The following AAK1 variants were observed in gnomAD, a reference collection of about 807,000 sequenced individuals.
The protein encoded by AAK1 is AP2 associated kinase 1.
AAK1 carries 37 observed loss-of-function variants against 116.0 expected under a neutral mutation model. That is an observed-to-expected ratio of 0.32 (90% CI 0.25 to 0.42). The LOEUF (loss-of-function observed/expected upper bound fraction) is 0.42, where lower values mean the gene tolerates loss of function less well. AAK1 is among the 10% of genes least tolerant of loss of function. The probability of loss-of-function intolerance (pLI) is 1.00; values close to 1 mark genes in which losing one functional copy is unlikely to be tolerated. For missense variants in AAK1, 919 were observed against 1,170.6 expected, an observed-to-expected ratio of 0.79 and a Z score of 3.14; for synonymous variants, 458 against 439.9, an observed-to-expected ratio of 1.04 and a Z score of -0.51.
At chr2:69,628,556 G>C (rs1675016877) in intron 2 of AAK1, among the ~76,000 whole-genome samples, 1 of 152,120 alleles carries the variant, frequency 6.6e-6, no homozygotes, top group African/African-American at 2.4e-5. Context: ...TGTTCTGTGA[G>C]CTAACCCTAG....
chr2:69,530,508 A>G, intron 7 of AAK1, 117 bp downstream of exon 7: 1 of 775,150 alleles, frequency 1.3e-6, no homozygotes, highest in African/African-American at 1.8e-5. Flanking sequence ...TTGAGGGGTA[A>G]GTAGACCATG....
chr2:69,469,751 G>T lies in AAK1; in HGVS notation c.*6118C>A. ...ACTGGATCATGCCTCTTTTTATTTT[G>T]GTTTCACACATAAAATTAAGCAAGA... On this transcript the variant is annotated 3_prime_UTR_variant, in exon 22 of 22. Coordinates refer to ENST00000409085, the MANE Select transcript of AAK1 (RefSeq NM_014911.5). 1.0e-6 allele frequency: 1 copy of T among 985,280 alleles called. No individual in the cohort carries two copies. Among genetic ancestry groups the T allele is most frequent in the Non-Finnish European group, 1.2e-6 (1 of 829,910 alleles). The allele number at this position is 985,280 out of a possible 1,614,324, so 61.0% of individuals were successfully genotyped here.
chr2:69,469,392 C>CT lies in AAK1; in HGVS notation c.*6476dup, dbSNP rs1397410513. On this transcript the variant is annotated 3_prime_UTR_variant, in exon 22 of 22. Coordinates refer to ENST00000409085, the MANE Select transcript of AAK1 (RefSeq NM_014911.5). The stretch of plus-strand genomic sequence containing the variant: ...TTAAATCTTGTTGGCAGATAAAAGT[C>CT]TTTTTTTGAGTATGTGAATGTGTTC... 3.0e-6 allele frequency: 3 copies of CT among 985,374 alleles called. No homozygotes were observed. Among genetic ancestry groups the CT allele is most frequent in the African/African-American group, 3.5e-5 (2 of 57,320 alleles). The allele number at this position is 985,374 out of a possible 1,614,324, so 61.0% of individuals were successfully genotyped here. A position where few individuals can be genotyped will look rare whatever the true frequency, so the allele number is the denominator to read the frequency against.
At chr2:69,634,769 A>C (rs567956375) in intron 2 of AAK1, among the ~76,000 whole-genome samples, 1 of 152,244 alleles carries the variant, frequency 6.6e-6, no homozygotes, top group Middle Eastern at 3.2e-3. Context: ...CCTCACCTTC[A>C]TGGAACCTTG....
rs569165089 is a variant in AAK1 at position 69,588,791 on chromosome 2, C to T, written c.164-31813G>A. Among the ~76,000 whole-genome samples the T allele has an allele frequency of 5.9e-5, 9 of 152,058 alleles. No homozygotes were observed. In the South Asian group the frequency reaches 1.7e-3, roughly 28 times the overall value. ...TGCATTATTTATTTTTATCCAATGG[C>T]ACATGTGATCTGTGGATCAAGGTTT... is the stretch of plus-strand genomic sequence containing the variant. On this transcript the variant is annotated intron_variant, in intron 2 of 21. Transcript: ENST00000409085.
At chr2:69,531,744 C>T (rs1670265494) in intron 6 of AAK1, 2 of 1,119,732 alleles carry the variant, frequency 1.8e-6, no homozygotes, top group African/African-American at 1.6e-5. Flanking sequence ...GTGTGTGCAC[C>T]TCTCAGCTTT....
intron 17 of AAK1, among the ~76,000 whole-genome samples, chr2:69,487,470 G>A (rs777717803): frequency 1.3e-5 from 2 of 152,116 alleles, no homozygotes; most frequent in African/African-American, 2.4e-5. Context: ...CATCAATCAC[G>A]CTTCACATCA....
Position 69,466,766 on chromosome 2 carries a change from G to A in AAK1, c.*9103C>T, listed in dbSNP as rs760514687. The A allele has an allele frequency of 2.1e-5, 21 of 985,232 alleles. No homozygotes were observed. The highest frequency in any genetic ancestry group is 1.2e-4 in the Admixed American group (2 of 16,252). 61.0% of individuals were successfully genotyped at this position (985,232 alleles called of 1,614,324 possible). Reference sequence around the variant, plus strand: ...TCACGTTTTGGAACATGATAGGCACGACGTACAGGAAAGGAGATGAAGATG... The same window carrying A: ...TCACGTTTTGGAACATGATAGGCACAACGTACAGGAAAGGAGATGAAGATG... On this transcript the variant is annotated 3_prime_UTR_variant, in exon 22 of 22. Coordinates refer to ENST00000409085, the MANE Select transcript of AAK1 (RefSeq NM_014911.5).
At chr2:69,519,768 A>G (rs1669679949) in intron 11 of AAK1, among the ~76,000 whole-genome samples, 1 of 152,270 alleles carries the variant, frequency 6.6e-6, no homozygotes, top group African/African-American at 2.4e-5. Context: ...CATTAGAAAC[A>G]GAATGCCAAA....
intron 10 of AAK1, among the ~76,000 whole-genome samples, chr2:69,522,181 CCACTT>C (rs1396692204): frequency 6.6e-6 from 1 of 152,210 alleles, no homozygotes; most frequent in Non-Finnish European, 1.5e-5. Flanking sequence ...CTTTGAAACT[CCACTT>C]TACAGAGTAT....
At chr2:69,535,260 A>G (rs1365530555) in intron 5 of AAK1, among the ~76,000 whole-genome samples, 1 of 152,246 alleles carries the variant, frequency 6.6e-6, no homozygotes, top group Non-Finnish European at 1.5e-5. Context: ...TTGAGGTGGC[A>G]GATACCCTAC....
At position 69,466,395 on chromosome 2, in the gene AAK1, C is replaced by A. The variant is rs1402439319; in HGVS notation, c.*9474G>T. The A allele has an allele frequency of 2.3e-6, 3 of 1,289,818 alleles. No homozygotes were observed. The highest frequency in any genetic ancestry group is 5.5e-5 in the East Asian group (1 of 18,022). The allele number at this position is 1,289,818 out of a possible 1,614,324, so 79.9% of individuals were successfully genotyped here. A position where few individuals can be genotyped will look rare whatever the true frequency, so the allele number is the denominator to read the frequency against. On this transcript the variant is annotated 3_prime_UTR_variant, in exon 22 of 22. Coordinates refer to ENST00000409085, the MANE Select transcript of AAK1 (RefSeq NM_014911.5). ...GTGGAATGAGCTGTTGCTTGAAGGG[C>A]CATCTCTGGCCAAGTAGTCAGATTC... is the stretch of plus-strand genomic sequence containing the variant.
Position 69,466,135 on chromosome 2 carries a change from T to C in AAK1, c.*9734A>G. On this transcript the variant is annotated 3_prime_UTR_variant, in exon 22 of 22. Transcript: ENST00000409085. ...GCTATGGCAAAAACATCTGGCTCAC[T>C]GAGCCCATCAGTGGCTGGCTGTGTG... The C allele has an allele frequency of 7.7e-7, 1 of 1,290,616 alleles. No homozygotes were observed. The highest frequency in any genetic ancestry group is 1.0e-6 in the Non-Finnish European group (1 of 988,880). 79.9% of individuals were successfully genotyped at this position (1,290,616 alleles called of 1,614,324 possible).
chr2:69,614,690 G>C (rs1421132058), intron 2 of AAK1, among the ~76,000 whole-genome samples: 3 of 152,176 alleles, frequency 2.0e-5, no homozygotes, highest in Admixed American at 2.0e-4. Context: ...TATAGAAAAA[G>C]AGTCTTTGTA....
At chr2:69,577,192 T>C (rs1466858337) in intron 2 of AAK1, among the ~76,000 whole-genome samples, 5 of 152,246 alleles carry the variant, frequency 3.3e-5, no homozygotes, top group African/African-American at 1.2e-4. Context: ...ATCTGGTTGT[T>C]TGCCCAGTGC....
chr2:69,495,038 G>C (rs1675682490), intron 17 of AAK1, among the ~76,000 whole-genome samples: 1 of 152,104 alleles, frequency 6.6e-6, no homozygotes, highest in Non-Finnish European at 1.5e-5. Context: ...AAAAAACCAA[G>C]CCAGTCCTGT....
Position 69,472,910 on chromosome 2 carries a change from A to T in AAK1, c.*2959T>A. Reference sequence around the variant, plus strand: ...ATTTAGGCTTCTATTCAGATAATCAAGAAAGAGCAAGTTAGTAAAAGCCCA... The same window carrying T: ...ATTTAGGCTTCTATTCAGATAATCATGAAAGAGCAAGTTAGTAAAAGCCCA... On this transcript the variant is annotated 3_prime_UTR_variant, in exon 22 of 22. Coordinates refer to ENST00000409085, the MANE Select transcript of AAK1 (RefSeq NM_014911.5). 1 of 985,816 alleles carries T rather than the reference A, an allele frequency of 1.0e-6. No individual in the cohort carries two copies. The highest frequency in any genetic ancestry group is 4.7e-5 in the South Asian group (1 of 21,280). The allele number at this position is 985,816 out of a possible 1,614,324, so 61.1% of individuals were successfully genotyped here.
At chr2:69,598,137 G>A in intron 2 of AAK1, 1 of 1,134,030 alleles carries the variant, frequency 8.8e-7, no homozygotes, top group Non-Finnish European at 1.2e-6. Context: ...ATGGCATTCA[G>A]GTGGGTAACT....
chr2:69,562,487 G>C (rs989492037), intron 2 of AAK1, among the ~76,000 whole-genome samples: 2 of 152,116 alleles, frequency 1.3e-5, no homozygotes, highest in African/African-American at 4.8e-5. Context: ...TTCTTTGCTG[G>C]GAGAAGACAG....
Sources: allele counts gnomAD v4.1 joint callset (sites outside exome capture counted in the v4.1 genomes callset), GRCh38; gene constraint gnomAD v4.1.1; transcripts MANE v1.5; gene names NCBI Gene and HGNC (gene_info 2026-07-23, HGNC 2026-07-21).